The following MBNL1 variants were observed in gnomAD, a reference collection of about 807,000 sequenced individuals.
The protein encoded by MBNL1 is muscleblind like splicing regulator 1.
MBNL1 carries 8 observed loss-of-function variants against 42.2 expected under a neutral mutation model. The observed-to-expected ratio is 0.19, with a 90% confidence interval of 0.11 to 0.34. The LOEUF (loss-of-function observed/expected upper bound fraction) is 0.34. Among genes scored for constraint, MBNL1 ranks in the 10% least tolerant of loss-of-function variants. MBNL1 has a pLI of 1.00. For synonymous variants in MBNL1, 169 were observed against 173.9 expected (o/e 0.97, Z 0.22); for missense variants, 309 against 495.3 (o/e 0.62, Z 3.57).
At chr3:152,431,801 C>G (rs574884094) in intron 3 of MBNL1, among the ~76,000 whole-genome samples, 1 of 152,260 alleles carries the variant, frequency 6.6e-6, no homozygotes, top group African/African-American at 2.4e-5. Context: ...AAATTGTGTT[C>G]TGTTATACTT....
chr3:152,353,671 CTT>C (rs34931833), intron 2 of MBNL1, among the ~76,000 whole-genome samples: 22 of 116,422 alleles, frequency 1.9e-4, no homozygotes, highest in African/African-American at 2.9e-4. Context: ...TCAACAAATC[CTT>C]TTTTTTTTTT....
intron 9 of MBNL1, among the ~76,000 whole-genome samples, chr3:152,460,196 A>G (rs1331570734): frequency 1.3e-5 from 2 of 151,702 alleles, no homozygotes; most frequent in Non-Finnish European, 1.5e-5. Flanking sequence ...TGAGGCTGCA[A>G]TGAGCTGTGA....
chr3:152,372,195 A>G (rs559173876), intron 2 of MBNL1, among the ~76,000 whole-genome samples: 2 of 152,330 alleles, frequency 1.3e-5, no homozygotes, highest in East Asian at 1.9e-4. Flanking sequence ...CTAGTTAGCA[A>G]TTCTTCTAAC....
At chr3:152,257,016 C>T (rs967400290) in intron 2 of MBNL1, among the ~76,000 whole-genome samples, 1 of 152,082 alleles carries the variant, frequency 6.6e-6, no homozygotes, top group African/African-American at 2.4e-5. Context: ...ACTGGTATTA[C>T]AGGGTGTGGA....
Position 152,326,865 on chromosome 3 carries a change from C to A in MBNL1, c.174+26498C>A, listed in dbSNP as rs955212763. ...TCTCCCAGGCTGGAGTGCAGTGGTG[C>A]AATCTTGGCTCACTGCAACGTCTGC... On this transcript the variant is annotated intron_variant, in intron 2 of 9. Coordinates refer to ENST00000324210, the MANE Select transcript of MBNL1 (RefSeq NM_021038.5). Among the ~76,000 whole-genome samples, 4 of 151,512 alleles carry A rather than the reference C, an allele frequency of 2.6e-5. No individual in the cohort carries two copies. In the East Asian group the frequency reaches 7.8e-4, roughly 29 times the overall value.
chr3:152,378,886 A>T (rs933967880), intron 2 of MBNL1, among the ~76,000 whole-genome samples: 1 of 151,382 alleles, frequency 6.6e-6, no homozygotes, highest in Non-Finnish European at 1.5e-5. Flanking sequence ...CTGGCTGATA[A>T]TTGCATTTTT....
chr3:152,337,260 C>G (rs1002355124), intron 2 of MBNL1, among the ~76,000 whole-genome samples: 2 of 152,134 alleles, frequency 1.3e-5, no homozygotes, highest in African/African-American at 4.8e-5. Flanking sequence ...CCTTGAAAAG[C>G]ATAACATGAA....
intron 2 of MBNL1, among the ~76,000 whole-genome samples, chr3:152,410,308 G>A (rs566969571): frequency 9.9e-4 from 150 of 152,070 alleles, no homozygotes; most frequent in Non-Finnish European, 2.0e-3. Flanking sequence ...ATTCACAATC[G>A]AACAACTTAC....
chr3:152,403,953 T>C (rs528113140), intron 2 of MBNL1, among the ~76,000 whole-genome samples: 1 of 152,318 alleles, frequency 6.6e-6, no homozygotes, highest in South Asian at 2.1e-4. Flanking sequence ...TTTGTTCAAG[T>C]ACAAAGTTGA....
Position 152,299,722 on chromosome 3 carries a change from T to C in MBNL1, c.-472T>C. On this transcript the variant is annotated 5_prime_UTR_variant, in exon 2 of 10. An upstream open reading frame in the 5' UTR loses its in-frame stop. Transcript: ENST00000324210. Reference sequence around the variant, plus strand: ...ACTGCTGCATCTGTCTATGCCAAACTAATCAATACCGATTGCACCACCAAA... The same window carrying C: ...ACTGCTGCATCTGTCTATGCCAAACCAATCAATACCGATTGCACCACCAAA... The C allele has an allele frequency of 2.5e-6, 1 of 399,066 alleles. No individual in the cohort carries two copies. The highest frequency in any genetic ancestry group is 3.6e-5 in the East Asian group (1 of 28,082). The allele number at this position is 399,066 out of a possible 1,614,324, so 24.7% of individuals were successfully genotyped here.
At chr3:152,314,294 T>C (rs926339560) in intron 2 of MBNL1, among the ~76,000 whole-genome samples, 30 of 152,088 alleles carry the variant, frequency 2.0e-4, no homozygotes, top group Non-Finnish European at 4.1e-4. Flanking sequence ...TCACAGCTTT[T>C]TTTTTTTCCC....
intron 2 of MBNL1, among the ~76,000 whole-genome samples, chr3:152,398,367 CAT>C (rs1055816047): frequency 9.2e-5 from 14 of 151,816 alleles, no homozygotes; most frequent in African/African-American, 3.4e-4. Context: ...AAAGACCTAT[CAT>C]GTTTAATATC....
chr3:152,248,774 C>T (rs560268963), intron 2 of MBNL1, among the ~76,000 whole-genome samples: 1,554 of 151,862 alleles, frequency 0.01, 7 homozygotes, highest in Non-Finnish European at 0.017. Flanking sequence ...CCCCTTCCCC[C>T]ACCCCACAAC....
At chr3:152,377,394 GAAATT>G (rs1560357870) in intron 2 of MBNL1, among the ~76,000 whole-genome samples, 1 of 152,026 alleles carries the variant, frequency 6.6e-6, no homozygotes. Flanking sequence ...TTATAGAACC[GAAATT>G]AAATTCAAGC....
At chr3:152,328,426 A>G (rs2081891414) in intron 2 of MBNL1, among the ~76,000 whole-genome samples, 2 of 152,110 alleles carry the variant, frequency 1.3e-5, no homozygotes, top group East Asian at 1.9e-4. Context: ...AATTACTGTA[A>G]TTCTAAACAT....
At chr3:152,284,967 T>C (rs907308953) in intron 1 of MBNL1, among the ~76,000 whole-genome samples, 5 of 152,180 alleles carry the variant, frequency 3.3e-5, no homozygotes, top group African/African-American at 1.2e-4. Flanking sequence ...ATTAACAATC[T>C]TAATTGAGAA....
chr3:152,429,619 C>T (rs558244498), intron 3 of MBNL1, among the ~76,000 whole-genome samples: 12 of 152,252 alleles, frequency 7.9e-5, no homozygotes, highest in African/African-American at 2.6e-4. Flanking sequence ...GAATAGAAAA[C>T]TGGCAGTAGT....
intron 3 of MBNL1, among the ~76,000 whole-genome samples, chr3:152,415,935 GTTAA>G (rs1301331232): frequency 6.6e-6 from 1 of 152,108 alleles, no homozygotes; most frequent in Non-Finnish European, 1.5e-5. Flanking sequence ...GTGCTTTGAC[GTTAA>G]TTGTGATATA....
intron 2 of MBNL1, among the ~76,000 whole-genome samples, chr3:152,316,255 A>G (rs1436154322): frequency 6.6e-6 from 1 of 152,204 alleles, no homozygotes; most frequent in Non-Finnish European, 1.5e-5. Flanking sequence ...TGCGGCCTCA[A>G]ACTTGTCAGT....
Sources: gnomAD v4.1 joint callset for allele counts (sites outside exome capture counted in the v4.1 genomes callset) on GRCh38, gnomAD v4.1.1 for gene constraint, MANE v1.5 for transcripts, NCBI Gene and HGNC (gene_info 2026-07-23, HGNC 2026-07-21) for gene names.